The following GPC6 variants were observed in gnomAD, a reference collection of about 807,000 sequenced individuals.
GPC6 encodes the protein glypican-6.
In GPC6, 14 loss-of-function variants were observed where a neutral mutation model predicts 55.2. That is an observed-to-expected ratio of 0.25 (90% CI 0.17 to 0.40). The LOEUF (loss-of-function observed/expected upper bound fraction) is 0.40. GPC6 is among the 10% of genes least tolerant of loss of function. GPC6 has a pLI of 1.00. For synonymous variants in GPC6, 278 were observed against 259.6 expected, an observed-to-expected ratio of 1.07 and a Z score of -0.68; for missense variants, 641 against 708.5, an observed-to-expected ratio of 0.90 and a Z score of 1.08.
intron 2 of GPC6, among the ~76,000 whole-genome samples, chr13:93,692,904 C>A (rs1882308159): frequency 6.6e-6 from 1 of 152,008 alleles, no homozygotes; most frequent in African/African-American, 2.4e-5. Flanking sequence ...TACTTAAAAG[C>A]AACTTTGCAT....
intron 2 of GPC6, among the ~76,000 whole-genome samples, chr13:93,562,789 G>C (rs904990376): frequency 2.6e-5 from 4 of 151,978 alleles, no homozygotes; most frequent in African/African-American, 9.7e-5. Context: ...GGTGCTTTAC[G>C]TGTGTTATCC....
intron 4 of GPC6, among the ~76,000 whole-genome samples, chr13:94,270,264 A>G (rs1051705128): frequency 3.3e-5 from 5 of 152,254 alleles, no homozygotes; most frequent in African/African-American, 1.2e-4. Context: ...GTAGATAATC[A>G]GAAATAGGGA....
At chr13:94,161,935 A>G (rs1888182625) in intron 4 of GPC6, among the ~76,000 whole-genome samples, 1 of 152,138 alleles carries the variant, frequency 6.6e-6, no homozygotes, top group Non-Finnish European at 1.5e-5. Flanking sequence ...GCAAGAGAAG[A>G]ATGGGAGCCA....
chr13:93,540,602 T>C (rs1882254819), intron 1 of GPC6, among the ~76,000 whole-genome samples: 1 of 152,192 alleles, frequency 6.6e-6, no homozygotes, highest in Non-Finnish European at 1.5e-5. Flanking sequence ...TACATAGTGA[T>C]CTTTGATACA....
At chr13:93,477,383 T>C (rs1366068150) in intron 1 of GPC6, among the ~76,000 whole-genome samples, 1 of 152,188 alleles carries the variant, frequency 6.6e-6, no homozygotes, top group African/African-American at 2.4e-5. Flanking sequence ...TTTATGGATG[T>C]TAGAGCTGCC....
At chr13:93,653,224 A>G (rs1293989862) in intron 2 of GPC6, among the ~76,000 whole-genome samples, 2 of 152,176 alleles carry the variant, frequency 1.3e-5, no homozygotes, top group African/African-American at 2.4e-5. Flanking sequence ...ATAGTTATCA[A>G]TATCATATGC....
At chr13:93,293,171 A>G (rs1878373163) in intron 1 of GPC6, among the ~76,000 whole-genome samples, 1 of 151,750 alleles carries the variant, frequency 6.6e-6, no homozygotes, top group South Asian at 2.1e-4. Context: ...TTGTAGGGAC[A>G]GGGTTTCATC....
chr13:93,233,435 A>G (rs1876129827), intron 1 of GPC6, among the ~76,000 whole-genome samples: 1 of 151,582 alleles, frequency 6.6e-6, no homozygotes, highest in African/African-American at 2.4e-5. Flanking sequence ...TCTTCTAGGC[A>G]TTTTTTTCTT....
At chr13:93,435,746 G>A (rs1168736255) in intron 1 of GPC6, among the ~76,000 whole-genome samples, 1 of 152,132 alleles carries the variant, frequency 6.6e-6, no homozygotes, top group African/African-American at 2.4e-5. Flanking sequence ...GGTAGGATTT[G>A]CAACAATTAG....
intron 4 of GPC6, among the ~76,000 whole-genome samples, chr13:94,123,796 G>A (rs1231511941): frequency 6.6e-6 from 1 of 151,986 alleles, no homozygotes; most frequent in Non-Finnish European, 1.5e-5. Flanking sequence ...ACATTTCAAA[G>A]GTCAGCTTTG....
intron 1 of GPC6, among the ~76,000 whole-genome samples, chr13:93,538,341 G>T (rs1352560446): frequency 6.6e-6 from 1 of 152,140 alleles, no homozygotes; most frequent in Non-Finnish European, 1.5e-5. Context: ...CTATTAGATT[G>T]TTCATAGAAC....
At chr13:94,209,246 C>A (rs1399512515) in intron 4 of GPC6, among the ~76,000 whole-genome samples, 1 of 152,110 alleles carries the variant, frequency 6.6e-6, no homozygotes, top group African/African-American at 2.4e-5. Flanking sequence ...GTTGTTTGTT[C>A]CCTTCCAGGG....
rs533323405 is a variant in GPC6 at position 93,889,462 on chromosome 13, T to G, written c.711+58917T>G. ...TCTAATAACCATATTATTCACCAGT[T>G]TTGGAAAGGAAACAAGTATTTTATG... On this transcript the variant is annotated intron_variant, in intron 3 of 8. Coordinates refer to ENST00000377047, the MANE Select transcript of GPC6 (RefSeq NM_005708.5). Among the ~76,000 whole-genome samples the G allele has an allele frequency of 5.6e-4, 85 of 152,192 alleles. 2 individuals are homozygous for G. Among genetic ancestry groups the G allele is most frequent in the Non-Finnish European group, 9.0e-4 (61 of 68,004 alleles).
chr13:93,398,072 C>G (rs1429279545), intron 1 of GPC6, among the ~76,000 whole-genome samples: 1 of 152,128 alleles, frequency 6.6e-6, no homozygotes, highest in Admixed American at 6.6e-5. Context: ...CACTTTCAAA[C>G]TACATTTAGG....
intron 1 of GPC6, among the ~76,000 whole-genome samples, chr13:93,405,238 TGTGTGG>T (rs1248093419): frequency 6.6e-6 from 1 of 152,168 alleles, no homozygotes; most frequent in Non-Finnish European, 1.5e-5. Flanking sequence ...CCAAATCCAC[TGTGTGG>T]ATCTATCTCC....
chr13:93,967,625 C>T (rs1048328655), intron 3 of GPC6, among the ~76,000 whole-genome samples: 7 of 152,274 alleles, frequency 4.6e-5, no homozygotes, highest in South Asian at 2.1e-4. Flanking sequence ...CATCTTTCTG[C>T]GGTTCATTCT....
At chr13:93,287,026 A>G (rs1878152387) in intron 1 of GPC6, among the ~76,000 whole-genome samples, 1 of 152,224 alleles carries the variant, frequency 6.6e-6, no homozygotes, top group Non-Finnish European at 1.5e-5. Flanking sequence ...AAAATAGTGT[A>G]TAAAATTACC....
intron 1 of GPC6, among the ~76,000 whole-genome samples, chr13:93,231,472 A>G (rs1231925615): frequency 3.4e-5 from 5 of 146,448 alleles, no homozygotes; most frequent in Non-Finnish European, 6.0e-5. Context: ...ATATACATAT[A>G]TGTATCCCTT....
intron 3 of GPC6, among the ~76,000 whole-genome samples, chr13:93,984,092 A>C (rs1880921050): frequency 6.6e-6 from 1 of 151,940 alleles, no homozygotes. Context: ...CCATTTTTTC[A>C]AACACCAGAG....
Sources: allele counts gnomAD v4.1 joint callset (sites outside exome capture counted in the v4.1 genomes callset), GRCh38; gene constraint gnomAD v4.1.1; transcripts MANE v1.5; gene names NCBI Gene and HGNC (gene_info 2026-07-23, HGNC 2026-07-21).